GPC6: variants seen among roughly 807,000 people sequenced by gnomAD.
GPC6 encodes glypican-6.
In GPC6, 14 loss-of-function variants were observed where a neutral mutation model predicts 55.2. The ratio of observed to expected loss-of-function variants is 0.25; its 90% CI spans 0.17 to 0.40. The LOEUF (loss-of-function observed/expected upper bound fraction) is 0.40, where lower values mean the gene tolerates loss of function less well. GPC6 is among the 10% of genes least tolerant of loss of function. GPC6 has a pLI of 1.00. For synonymous variants in GPC6, 278 were observed against 259.6 expected, an observed-to-expected ratio of 1.07 and a Z score of -0.68; for missense variants, 641 against 708.5, an observed-to-expected ratio of 0.90 and a Z score of 1.08.
intron 6 of GPC6, among the ~76,000 whole-genome samples, chr13:94,380,211 G>A (rs139471371): frequency 2.1e-4 from 32 of 152,178 alleles, no homozygotes; most frequent in African/African-American, 7.5e-4. Flanking sequence ...ATTTTATTAT[G>A]GGACAGAATA....
intron 3 of GPC6, among the ~76,000 whole-genome samples, chr13:93,884,010 G>A (rs1435461839): frequency 1.3e-5 from 2 of 152,074 alleles, no homozygotes; most frequent in African/African-American, 4.8e-5. Flanking sequence ...AGACACCGAA[G>A]TTTTTTGTCA....
chr13:94,144,014 G>A (rs1317508225), intron 4 of GPC6, among the ~76,000 whole-genome samples: 2 of 152,298 alleles, frequency 1.3e-5, no homozygotes, highest in African/African-American at 4.8e-5. Flanking sequence ...TCACTGAAGC[G>A]AAGTTGTTAA....
At chr13:94,311,536 A>G (rs1876247853) in intron 6 of GPC6, among the ~76,000 whole-genome samples, 2 of 152,214 alleles carry the variant, frequency 1.3e-5, no homozygotes. Flanking sequence ...GGTGACTCTC[A>G]CCTGAGGGGC....
intron 4 of GPC6, among the ~76,000 whole-genome samples, chr13:94,137,446 G>A (rs1438708350): frequency 6.6e-6 from 1 of 152,184 alleles, no homozygotes; most frequent in African/African-American, 2.4e-5. Context: ...AGGATATAGA[G>A]AGGTGAGAGA....
intron 4 of GPC6, among the ~76,000 whole-genome samples, chr13:94,217,739 A>G (rs1273262756): frequency 6.6e-6 from 1 of 152,212 alleles, no homozygotes; most frequent in East Asian, 1.9e-4. Context: ...AGCAAGTAGG[A>G]TCAGTGGTTA....
chr13:93,763,391 C>T (rs999638695), intron 2 of GPC6, among the ~76,000 whole-genome samples: 3 of 152,198 alleles, frequency 2.0e-5, no homozygotes, highest in Non-Finnish European at 4.4e-5. Context: ...TGAGGTGGCT[C>T]TTTCTGTGCA....
chr13:93,401,337 CT>C (rs1168384140), intron 1 of GPC6, among the ~76,000 whole-genome samples: 4 of 151,990 alleles, frequency 2.6e-5, no homozygotes, highest in Non-Finnish European at 5.9e-5. Flanking sequence ...GGAATGAGCG[CT>C]GTCAGGGAGG....
intron 4 of GPC6, among the ~76,000 whole-genome samples, chr13:94,221,711 T>C (rs1283665107): frequency 6.6e-6 from 1 of 152,118 alleles, no homozygotes; most frequent in Admixed American, 6.6e-5. Context: ...ATTGTTAAAT[T>C]CTCAGTTTAT....
chr13:93,335,114 T>A (rs548684105), intron 1 of GPC6, among the ~76,000 whole-genome samples: 1 of 152,296 alleles, frequency 6.6e-6, no homozygotes, highest in Admixed American at 6.5e-5. Context: ...ATTCCCCATG[T>A]CAGTGGCATA....
At chr13:94,136,455 G>C (rs1427634370) in intron 4 of GPC6, among the ~76,000 whole-genome samples, 3 of 152,124 alleles carry the variant, frequency 2.0e-5, no homozygotes, top group Non-Finnish European at 4.4e-5. Context: ...TCACGCCTGT[G>C]ATCCCAGCAC....
intron 1 of GPC6, among the ~76,000 whole-genome samples, chr13:93,415,203 G>A (rs997863435): frequency 6.6e-6 from 1 of 152,074 alleles, no homozygotes; most frequent in Non-Finnish European, 1.5e-5. Flanking sequence ...TAGTTCATGG[G>A]ATTGTTCTGA....
intron 1 of GPC6, among the ~76,000 whole-genome samples, chr13:93,393,137 G>T (rs865797526): frequency 0.017 from 2,443 of 142,252 alleles, 28 homozygotes; most frequent in Non-Finnish European, 0.024. Flanking sequence ...TAGAGAGAGA[G>T]AGAGAGAGAG....
intron 4 of GPC6, among the ~76,000 whole-genome samples, chr13:94,227,441 G>T (rs1334006017): frequency 6.6e-6 from 1 of 152,196 alleles, no homozygotes; most frequent in Non-Finnish European, 1.5e-5. Flanking sequence ...TGGGCCTGAA[G>T]TTCAGGTCAC....
chr13:93,576,699 C>G (rs893045317), intron 2 of GPC6, among the ~76,000 whole-genome samples: 1 of 152,014 alleles, frequency 6.6e-6, no homozygotes, highest in Non-Finnish European at 1.5e-5. Flanking sequence ...AAATTTTACC[C>G]CATGACCTTC....
chr13:94,369,766 A>G (rs1013818040), intron 6 of GPC6, among the ~76,000 whole-genome samples: 4 of 152,084 alleles, frequency 2.6e-5, no homozygotes, highest in Middle Eastern at 3.2e-3. Context: ...CTCTGGGGGT[A>G]ATCGGGTCAA....
At chr13:93,769,730 G>A (rs1291097209) in intron 2 of GPC6, among the ~76,000 whole-genome samples, 1 of 152,188 alleles carries the variant, frequency 6.6e-6, no homozygotes, top group Non-Finnish European at 1.5e-5. Flanking sequence ...TTAAGTGGAA[G>A]GCAGAAGTTG....
intron 1 of GPC6, among the ~76,000 whole-genome samples, chr13:93,385,096 A>G (rs1354248902): frequency 2.6e-5 from 4 of 152,238 alleles, no homozygotes; most frequent in Non-Finnish European, 5.9e-5. Context: ...CGGTGCTGTG[A>G]TAGATAAAAA....
rs970143863 is a variant in GPC6 at position 93,750,228 on chromosome 13, A to G, written c.320-79926A>G. ...GGGAGAAAGTAGTAGTGAAGATTCC[A>G]ATGATCACAGTGTGTGGGATGTTTC... On this transcript the variant is annotated intron_variant, in intron 2 of 8. Transcript: ENST00000377047. Among the ~76,000 whole-genome samples the G allele has an allele frequency of 9.9e-5, 15 of 152,212 alleles. No homozygotes were observed. The South Asian group carries it at 1.4e-3, about 15-fold the overall frequency.
At chr13:94,276,780 T>C (rs999080037) in intron 4 of GPC6, among the ~76,000 whole-genome samples, 3 of 152,230 alleles carry the variant, frequency 2.0e-5, no homozygotes, top group African/African-American at 7.2e-5. Context: ...CATTCCTTTT[T>C]ATGACTGCAT....
Sources: gnomAD v4.1 joint callset for allele counts (sites outside exome capture counted in the v4.1 genomes callset) on GRCh38, gnomAD v4.1.1 for gene constraint, MANE v1.5 for transcripts, NCBI Gene and HGNC (gene_info 2026-07-23, HGNC 2026-07-21) for gene names.